The following RIMS2 variants were observed in gnomAD, a reference collection of about 807,000 sequenced individuals.
RIMS2 encodes the protein regulating synaptic membrane exocytosis 2.
A neutral mutation model predicts 174.4 loss-of-function variants in RIMS2; 59 were observed. The observed-to-expected ratio is 0.34, with a 90% CI of 0.27 to 0.42. The LOEUF (loss-of-function observed/expected upper bound fraction) is 0.42, where lower values mean the gene tolerates loss of function less well. Ranked by LOEUF, RIMS2 falls within the 10% of genes least tolerant of loss-of-function variation. The pLI is 1.00. For synonymous variants in RIMS2, 606 were observed against 572.5 expected (o/e 1.06, Z -0.84); for missense variants, 1,620 against 1,666.3 (o/e 0.97, Z 0.48).
At chr8:103,533,407 A>T (rs1838168162) in intron 1 of RIMS2, among the ~76,000 whole-genome samples, 1 of 152,172 alleles carries the variant, frequency 6.6e-6, no homozygotes, top group African/African-American at 2.4e-5. Context: ...TTTTTATTTT[A>T]GGAGTTAGTA....
At chr8:103,964,241 C>T (rs921519847) in intron 15 of RIMS2, among the ~76,000 whole-genome samples, 1 of 152,168 alleles carries the variant, frequency 6.6e-6, no homozygotes, top group Non-Finnish European at 1.5e-5. Context: ...TAGAAAGTTC[C>T]AAAACGTCTG....
intron 3 of RIMS2, among the ~76,000 whole-genome samples, chr8:103,823,331 T>G (rs2098765510): frequency 6.6e-6 from 1 of 151,954 alleles, no homozygotes; most frequent in African/African-American, 2.4e-5. Flanking sequence ...ATTTGGATTT[T>G]TTTTCAATTG....
intron 1 of RIMS2, among the ~76,000 whole-genome samples, chr8:103,673,194 T>A (rs937534544): frequency 6.6e-5 from 10 of 152,170 alleles, no homozygotes; most frequent in African/African-American, 2.4e-4. Context: ...CTGTAGCTGC[T>A]CTCATAAGTT....
chr8:104,224,370 G>A (rs1420839319), intron 19 of RIMS2, among the ~76,000 whole-genome samples: 2 of 152,170 alleles, frequency 1.3e-5, no homozygotes, highest in East Asian at 3.8e-4. Context: ...AACACGAGGA[G>A]GAGGACTCGC....
At chr8:103,981,153 C>G (rs1226078387) in intron 16 of RIMS2, among the ~76,000 whole-genome samples, 1 of 152,210 alleles carries the variant, frequency 6.6e-6, no homozygotes, top group Non-Finnish European at 1.5e-5. Context: ...GGCTTCAGGT[C>G]TGACCCTGTG....
intron 19 of RIMS2, among the ~76,000 whole-genome samples, chr8:104,222,104 C>T (rs114805747): frequency 2.6e-5 from 4 of 152,236 alleles, no homozygotes. Flanking sequence ...CCCACCCTGA[C>T]AACTCTTTTT....
intron 3 of RIMS2, among the ~76,000 whole-genome samples, chr8:103,785,738 TG>T (rs2098437445): frequency 6.6e-6 from 1 of 152,222 alleles, no homozygotes; most frequent in Admixed American, 6.5e-5. Flanking sequence ...TCTCTTTGTT[TG>T]TTTTGTCTCT....
intron 19 of RIMS2, among the ~76,000 whole-genome samples, chr8:104,184,478 T>C: frequency 6.6e-6 from 1 of 151,658 alleles, no homozygotes; most frequent in Non-Finnish European, 1.5e-5. Flanking sequence ...TTTACCTACC[T>C]CATGATATCT....
At chr8:104,240,483 A>C (rs750261515) in intron 19 of RIMS2, among the ~76,000 whole-genome samples, 4 of 152,236 alleles carry the variant, frequency 2.6e-5, no homozygotes, top group Admixed American at 6.5e-5. Flanking sequence ...ATAAGCCTAT[A>C]AATGTATTTG....
intron 19 of RIMS2, among the ~76,000 whole-genome samples, chr8:104,085,762 C>A (rs2097526639): frequency 6.6e-6 from 1 of 152,094 alleles, no homozygotes; most frequent in Non-Finnish European, 1.5e-5. Flanking sequence ...TAATTCACAA[C>A]TTATCTAGGT....
At chr8:103,749,788 A>T (rs1190265586) in intron 2 of RIMS2, among the ~76,000 whole-genome samples, 1 of 152,162 alleles carries the variant, frequency 6.6e-6, no homozygotes, top group Non-Finnish European at 1.5e-5. Flanking sequence ...AGGTGATTAC[A>T]TAAATGTTAA....
intron 1 of RIMS2, among the ~76,000 whole-genome samples, chr8:103,619,317 A>T (rs1991282): frequency 0.34 from 51,655 of 151,058 alleles, 9,642 homozygotes; most frequent in East Asian, 0.77. Context: ...AAAATTCTAG[A>T]TGATATCAAC....
chr8:103,730,416 G>A (rs2097576867), intron 2 of RIMS2, among the ~76,000 whole-genome samples: 1 of 151,836 alleles, frequency 6.6e-6, no homozygotes, highest in South Asian at 2.1e-4. Context: ...TACCTTCTTT[G>A]TCTCTTTTTA....
intron 3 of RIMS2, among the ~76,000 whole-genome samples, chr8:103,852,271 A>T (rs942793618): frequency 2.0e-5 from 3 of 151,930 alleles, no homozygotes; most frequent in Non-Finnish European, 4.4e-5. Context: ...ATGGACTCAC[A>T]TAGGGACTTG....
At chr8:103,894,896 G>A (rs1378078682) in intron 4 of RIMS2, among the ~76,000 whole-genome samples, 4 of 151,424 alleles carry the variant, frequency 2.6e-5, no homozygotes, top group African/African-American at 9.8e-5. Flanking sequence ...AGTACAGTAT[G>A]CATTGTTCAT....
intron 3 of RIMS2, among the ~76,000 whole-genome samples, chr8:103,851,536 T>A (rs936421087): frequency 6.6e-6 from 1 of 151,848 alleles, no homozygotes; most frequent in African/African-American, 2.4e-5. Context: ...TTTTCTTCCT[T>A]GTCTTTATGT....
At chr8:104,013,473 C>T (rs778957982) in exon 18 of RIMS2, 1 of 1,613,824 alleles carries the variant, frequency 6.2e-7, no homozygotes, top group Non-Finnish European at 8.5e-7. Flanking sequence ...ACAGCCATAT[C>T]ACAGATCCAG....
At chr8:103,882,658 A>G (rs1383664555) in intron 3 of RIMS2, among the ~76,000 whole-genome samples, 1 of 151,588 alleles carries the variant, frequency 6.6e-6, no homozygotes, top group Non-Finnish European at 1.5e-5. Flanking sequence ...GGCAAATTTG[A>G]TAATCTCTAG....
At chr8:104,189,154 A>G (rs1056640631) in intron 19 of RIMS2, among the ~76,000 whole-genome samples, 1 of 152,044 alleles carries the variant, frequency 6.6e-6, no homozygotes, top group African/African-American at 2.4e-5. Flanking sequence ...ACTTTTCTGT[A>G]AGTTATCCTG....
Sources: gnomAD v4.1 joint callset for allele counts (sites outside exome capture counted in the v4.1 genomes callset) on GRCh38, gnomAD v4.1.1 for gene constraint, MANE v1.5 for transcripts, NCBI Gene and HGNC (gene_info 2026-07-23, HGNC 2026-07-21) for gene names.